HRH1: variants seen among roughly 807,000 people sequenced by gnomAD.
HRH1 encodes histamine H1 receptor.
A neutral mutation model predicts 10.3 loss-of-function variants in HRH1; 6 were observed. The ratio of observed to expected loss-of-function variants is 0.58; its 90% CI spans 0.32 to 1.15. The LOEUF (loss-of-function observed/expected upper bound fraction) is 1.15, where lower values mean the gene tolerates loss of function less well. Ranked by LOEUF, HRH1 falls within the 50% of genes most tolerant of loss-of-function variation. The probability of loss-of-function intolerance (pLI) is 0.05; values close to 1 mark genes in which losing one functional copy is unlikely to be tolerated. For synonymous variants in HRH1, 242 were observed against 236.7 expected, an observed-to-expected ratio of 1.02 and a Z score of -0.21; for missense variants, 514 against 615.3, an observed-to-expected ratio of 0.84 and a Z score of 1.74.
intron 1 of HRH1, among the ~76,000 whole-genome samples, chr3:11,144,956 G>A (rs1936401614): frequency 1.3e-5 from 2 of 152,128 alleles, no homozygotes; most frequent in South Asian, 4.1e-4. Flanking sequence ...TGAAAGGCAA[G>A]AACCCATGAG....
rs1333870790 is a variant in HRH1 at position 11,155,000 on chromosome 3, A to G, written c.-36+446A>G. Among the ~76,000 whole-genome samples, 1 of 152,172 alleles carries G rather than the reference A, an allele frequency of 6.6e-6. No homozygotes were observed. Among genetic ancestry groups the G allele is most frequent in the African/African-American group, 2.4e-5 (1 of 41,436 alleles). The stretch of plus-strand genomic sequence containing the variant: ...ATCCATTATCTGTTGCAATATTGTT[A>G]TACTCATTTTACAGAGGAGGAAACT... On this transcript the variant is annotated intron_variant, in intron 1 of 1. Coordinates refer to ENST00000431010, the MANE Select transcript of HRH1 (RefSeq NM_001098212.2). This position sits in a 1 kb window ranked among gnomAD's most constrained non-coding sequence, Gnocchi z 4.4.
In HRH1 at chr3:11,235,508, A is replaced by G. The variant is rs372398569; in HGVS notation, c.-35-23495A>G. Reference sequence around the variant, plus strand: ...GTTGCTGAGCAGATGTGGGAGCTCCATCTCCCCACTAGGCCTCTGCAGATA... The same window carrying G: ...GTTGCTGAGCAGATGTGGGAGCTCCGTCTCCCCACTAGGCCTCTGCAGATA... On this transcript the variant is annotated intron_variant, in intron 1 of 1. Coordinates refer to ENST00000431010, the MANE Select transcript of HRH1 (RefSeq NM_001098212.2). Among the ~76,000 whole-genome samples the G allele has an allele frequency of 3.3e-5, 5 of 152,212 alleles. No homozygotes were observed. In the South Asian group the frequency reaches 8.3e-4, roughly 25 times the overall value.
intron 1 of HRH1, among the ~76,000 whole-genome samples, chr3:11,189,978 C>T (rs537383885): frequency 2.2e-4 from 33 of 151,858 alleles, no homozygotes; most frequent in African/African-American, 7.5e-4. Context: ...ACTAAAAGAG[C>T]GAGTGTGGTA....
At chr3:11,229,841 A>C (rs912986655) in intron 1 of HRH1, among the ~76,000 whole-genome samples, 2 of 152,238 alleles carry the variant, frequency 1.3e-5, no homozygotes, top group Non-Finnish European at 1.5e-5. Flanking sequence ...AAGTGGATCC[A>C]TTTAAATACA....
intron 1 of HRH1, among the ~76,000 whole-genome samples, 178 bp from the exon 2 acceptor site, chr3:11,258,825 T>A (rs1939853843): frequency 6.6e-6 from 1 of 152,154 alleles, no homozygotes; most frequent in Non-Finnish European, 1.5e-5. Context: ...CAATAAATAG[T>A]TGTTAAGTGA....
intron 1 of HRH1, among the ~76,000 whole-genome samples, chr3:11,191,552 C>A (rs758458796): frequency 6.6e-6 from 1 of 152,096 alleles, no homozygotes; most frequent in African/African-American, 2.4e-5. Flanking sequence ...TCTGTAATTC[C>A]GAGCAACTGT....
At chr3:11,244,652 T>C (rs1009077339) in intron 1 of HRH1, among the ~76,000 whole-genome samples, 1 of 152,266 alleles carries the variant, frequency 6.6e-6, no homozygotes, top group East Asian at 1.9e-4. Flanking sequence ...TTGAGGAAGT[T>C]TGGAGTATTT....
chr3:11,144,321 T>C (rs1936358478), intron 1 of HRH1, among the ~76,000 whole-genome samples: 2 of 105,032 alleles, frequency 1.9e-5, no homozygotes, highest in African/African-American at 4.7e-5. Context: ...CAATGGAAAA[T>C]TGGTCTAAAA....
intron 1 of HRH1, among the ~76,000 whole-genome samples, chr3:11,191,921 T>G (rs2125021751): frequency 6.6e-6 from 1 of 152,324 alleles, no homozygotes; most frequent in South Asian, 2.1e-4. Flanking sequence ...GCATGGCCCC[T>G]GGCCTTGTTG....
At chr3:11,169,170 C>G (rs1937106673) in intron 1 of HRH1, among the ~76,000 whole-genome samples, 1 of 152,308 alleles carries the variant, frequency 6.6e-6, no homozygotes, top group East Asian at 1.9e-4. Flanking sequence ...TCTCTCTGTG[C>G]CTCAGTCTCC....
intron 1 of HRH1, among the ~76,000 whole-genome samples, chr3:11,218,131 A>G (rs746687828): frequency 2.0e-5 from 3 of 152,258 alleles, no homozygotes; most frequent in Non-Finnish European, 4.4e-5. Context: ...TGTAGTATCT[A>G]GGTATGTACA....
chr3:11,201,718 A>G (rs934213497), intron 1 of HRH1, among the ~76,000 whole-genome samples: 1 of 152,202 alleles, frequency 6.6e-6, no homozygotes, highest in Admixed American at 6.5e-5. Context: ...CTCAAGGGGG[A>G]CATGCCCAGG....
At chr3:11,173,294 A>G (rs997735572) in intron 1 of HRH1, among the ~76,000 whole-genome samples, 1 of 151,754 alleles carries the variant, frequency 6.6e-6, no homozygotes, top group African/African-American at 2.4e-5. Flanking sequence ...AAATAAAGTT[A>G]TTATGATTAC....
intron 1 of HRH1, among the ~76,000 whole-genome samples, chr3:11,167,605 T>G (rs1937070710): frequency 3.3e-5 from 5 of 152,256 alleles, no homozygotes; most frequent in Admixed American, 2.6e-4. Flanking sequence ...AGCCTCATGG[T>G]TTTTGATTTC....
upstream of HRH1, among the ~76,000 whole-genome samples, chr3:11,151,712 G>A (rs2125001851): frequency 1.3e-5 from 2 of 152,066 alleles, no homozygotes; most frequent in Middle Eastern, 6.8e-3. Flanking sequence ...TGTTTCCCAG[G>A]CTAGTCTCAA....
intron 1 of HRH1, among the ~76,000 whole-genome samples, chr3:11,249,402 C>CAAAAAAA (rs4037602): frequency 1.4e-5 from 1 of 71,878 alleles, no homozygotes; most frequent in African/African-American, 5.9e-5. Context: ...GACTCTGTCT[C>CAAAAAAA]AAAAAAAAAA....
chr3:11,187,735 A>G (rs1032346163), intron 1 of HRH1, among the ~76,000 whole-genome samples: 2 of 151,948 alleles, frequency 1.3e-5, no homozygotes, highest in African/African-American at 2.4e-5. Context: ...CTCAATCCCA[A>G]CTCCTACGAT....
At chr3:11,184,713 C>G (rs1190812056) in intron 1 of HRH1, among the ~76,000 whole-genome samples, 5 of 151,992 alleles carry the variant, frequency 3.3e-5, no homozygotes, top group African/African-American at 4.8e-5. Context: ...GTCAGGAGTT[C>G]AAGACCAGCC....
chr3:11,207,318 A>G (rs1938167878), intron 1 of HRH1, among the ~76,000 whole-genome samples: 1 of 152,008 alleles, frequency 6.6e-6, no homozygotes, highest in Admixed American at 6.6e-5. Flanking sequence ...TAATCCTAGC[A>G]CTTTGGGAGG....
Sources: allele counts gnomAD v4.1 joint callset (sites outside exome capture counted in the v4.1 genomes callset), GRCh38; gene constraint gnomAD v4.1.1; non-coding constraint Gnocchi (gnomAD v3.1); transcripts MANE v1.5; gene names NCBI Gene and HGNC (gene_info 2026-07-23, HGNC 2026-07-21).